Variants in NFATC2IP observed in about 807,000 individuals in gnomAD.
The protein encoded by NFATC2IP is NFATC2-interacting protein.
Under a neutral mutation model 40.2 loss-of-function variants are expected in NFATC2IP, and 25 were observed. That is an observed-to-expected ratio of 0.62 (90% CI 0.45 to 0.87). The LOEUF is 0.87. NFATC2IP is among the 40% of genes least tolerant of loss of function. The pLI is 0.00. For missense variants in NFATC2IP, 553 were observed against 555.6 expected, an observed-to-expected ratio of 1.00 and a Z score of 0.05; for synonymous variants, 241 against 236.3, an observed-to-expected ratio of 1.02 and a Z score of -0.18.
In NFATC2IP at chr16:28,965,618, A is replaced by T. The variant is rs780805121; in HGVS notation, c.*1755A>T. The stretch of plus-strand genomic sequence containing the variant: ...TGAGGCAGGGGAATCGCTTAAACCC[A>T]GGAGGCGGAGATTGCAGTGAGCCAA... On this transcript the variant is annotated 3_prime_UTR_variant, in exon 8 of 8. Transcript: ENST00000320805. 1 of 151,672 alleles carries T rather than the reference A, an allele frequency of 6.6e-6. No homozygotes were observed. Among genetic ancestry groups the T allele is most frequent in the Admixed American group, 6.6e-5 (1 of 15,230 alleles). 9.4% of individuals were successfully genotyped at this position (151,672 alleles called of 1,614,324 possible). A position where few individuals can be genotyped will look rare whatever the true frequency, so the allele number is the denominator to read the frequency against.
intron 1 of NFATC2IP, 56 bp downstream of exon 1, chr16:28,951,454 G>GC: frequency 7.4e-7 from 1 of 1,355,520 alleles, no homozygotes; most frequent in Non-Finnish European, 9.4e-7. Context: ...TGGCCTCCAG[G>GC]GAGGGGCCGG....
At chr16:28,958,896 A>G in intron 6 of NFATC2IP, 35 bp downstream of exon 6, 2 of 1,612,180 alleles carry the variant, frequency 1.2e-6, no homozygotes, top group South Asian at 2.2e-5. Context: ...GCCTTGAGGC[A>G]TTTGCCAGGG....
Position 28,951,032 on chromosome 16 carries a change from G to C in NFATC2IP, c.21G>C (p.Lys7Asn). Residue 7 changes from lysine (K) to asparagine (N), a missense_variant, in exon 1 of 8, where the codon AAG becomes AAC. Transcript: ENST00000320805. ...GTGCCATGGCGGAGCCTGTGGGGAA[G>C]CGGGGCCGCTGGTCCGGAGGTAGCG... MAEPVG[K>N]RGRWSGGSGA... 2.6e-6 allele frequency: 4 copies of C among 1,526,658 alleles called. No individual in the cohort carries two copies. Among genetic ancestry groups the C allele is most frequent in the Non-Finnish European group, 3.5e-6 (4 of 1,139,396 alleles). The allele number at this position is 1,526,658 out of a possible 1,614,324, so 94.6% of individuals were successfully genotyped here.
Position 28,955,997 on chromosome 16 carries a change from C to G in NFATC2IP, c.598C>G (p.Leu200Val). The G allele has an allele frequency of 6.2e-7, 1 of 1,614,060 alleles. No individual in the cohort carries two copies. The highest frequency in any genetic ancestry group is 8.5e-7 in the Non-Finnish European group (1 of 1,179,928). The change falls in exon 4 of 8, where the codon CTG (leucine) becomes GTG (valine). Residue 200 changes from leucine to valine, a missense_variant. By Grantham distance (32) the Leu-to-Val change is conservative. Transcript: ENST00000320805. ...CTACAGGGATCTGGACAACTCTCCT[C>G]TGTCCCCACCTTCACCAAGGACCAA... is the stretch of plus-strand genomic sequence containing the variant. Reference protein sequence around the residue: ...TEFLDLDNSPLSPPSPRTKSR... With the variant: ...TEFLDLDNSPVSPPSPRTKSR...
chr16:28,961,482 A>G (rs552277407), intron 7 of NFATC2IP, among the ~76,000 whole-genome samples: 41 of 152,222 alleles, frequency 2.7e-4, no homozygotes, highest in Non-Finnish European at 4.9e-4. Context: ...AACAACATAA[A>G]TTTATTCTCT....
In NFATC2IP at chr16:28,959,071, C is replaced by T; in HGVS notation, c.1072C>T (p.His358Tyr). 2 of 1,613,398 alleles carry T rather than the reference C, an allele frequency of 1.2e-6. No individual in the cohort carries two copies. Among genetic ancestry groups the T allele is most frequent in the Non-Finnish European group, 1.7e-6 (2 of 1,179,332 alleles). ...GCTCCGGGTGCAGGGAAAGGAGAAACACCAGACACTGGAAGTCTCACTGTC... is the reference window on the plus strand; with the variant it reads ...GCTCCGGGTGCAGGGAAAGGAGAAATACCAGACACTGGAAGTCTCACTGTC... Reference protein sequence around the residue: ...LQLRVQGKEKHQTLEVSLSRD... With the variant: ...LQLRVQGKEKYQTLEVSLSRD... The change falls in exon 7 of 8, where the codon CAC (histidine) becomes TAC (tyrosine). Residue 358 changes from histidine (H) to tyrosine (Y), a missense_variant. Transcript: ENST00000320805.
At chr16:28,959,452 T>G (rs965541444) in intron 7 of NFATC2IP, among the ~76,000 whole-genome samples, 2 of 152,150 alleles carry the variant, frequency 1.3e-5, no homozygotes, top group African/African-American at 4.8e-5. Context: ...TTCCTCACAT[T>G]CAGGATCTTA....
chr16:28,958,750 G>T lies in NFATC2IP; in HGVS notation c.880G>T (p.Ala294Ser). The T allele has an allele frequency of 6.2e-7, 1 of 1,613,536 alleles. No individual in the cohort carries two copies. The highest frequency in any genetic ancestry group is 8.5e-7 in the Non-Finnish European group (1 of 1,179,546). Residue 294 changes from alanine (A) to serine (S), a missense_variant, in exon 6 of 8, where the codon GCC (alanine) becomes TCC (serine). Ala to Ser is a moderately conservative substitution (Grantham distance 99). Transcript: ENST00000320805. The part of the protein sequence containing the change: ...EPLQSVVDHM[A>S]THLGVSPSRI... ...CCTGCAGAGTGTGGTGGACCACATG[G>T]CCACCCACCTTGGGGTGTCCCCAAG...
At position 28,950,983 on chromosome 16, in the gene NFATC2IP, C is replaced by A. The variant is rs373010732; in HGVS notation, c.-29C>A. On this transcript the variant is annotated 5_prime_UTR_variant, in exon 1 of 8. Transcript: ENST00000320805. ...GGGGGCGGGGCGAGGCGAGAGGAGG[C>A]GGGCGTGTGTTGTGGAGGAAAGTGT... 7 of 1,454,672 alleles carry A rather than the reference C, an allele frequency of 4.8e-6. No homozygotes were observed. The highest frequency in any genetic ancestry group is 6.3e-6 in the Non-Finnish European group (7 of 1,108,962). The allele number at this position is 1,454,672 out of a possible 1,614,324, so 90.1% of individuals were successfully genotyped here. A position where few individuals can be genotyped will look rare whatever the true frequency, so the allele number is the denominator to read the frequency against.
At chr16:28,955,876 A>G (rs1965014689) in intron 3 of NFATC2IP, 102 bp from the exon 4 acceptor site, 2 of 945,614 alleles carry the variant, frequency 2.1e-6, no homozygotes, top group African/African-American at 1.6e-5. Flanking sequence ...GGTGTGAGCC[A>G]TTGCGTCCGA....
chr16:28,953,058 G>C (rs1167663121), intron 2 of NFATC2IP, among the ~76,000 whole-genome samples: 2 of 150,838 alleles, frequency 1.3e-5, no homozygotes, highest in Admixed American at 1.3e-4. Flanking sequence ...CTTAATAGCT[G>C]TGTGATCTTA....
At chr16:28,959,701 G>A (rs1965063433) in intron 7 of NFATC2IP, among the ~76,000 whole-genome samples, 1 of 150,676 alleles carries the variant, frequency 6.6e-6, no homozygotes, top group Non-Finnish European at 1.5e-5. Context: ...AGCCTCCCGT[G>A]TAGCTGGGAT....
At chr16:28,954,124 G>A (rs925996301) in intron 2 of NFATC2IP, among the ~76,000 whole-genome samples, 7 of 151,902 alleles carry the variant, frequency 4.6e-5, no homozygotes, top group African/African-American at 1.5e-4. Context: ...CAGCCCCCTC[G>A]CCCTCCACAT....
At chr16:28,961,899 CAAAAAAA>C (rs1161300546) in intron 7 of NFATC2IP, among the ~76,000 whole-genome samples, 1 of 49,124 alleles carries the variant, frequency 2.0e-5, no homozygotes, top group Non-Finnish European at 4.2e-5. Flanking sequence ...GACTTCGTCT[CAAAAAAA>C]AAAAAAAAAA....
At position 28,951,010 on chromosome 16, in the gene NFATC2IP, C is replaced by A; in HGVS notation, c.-2C>A. 4 of 1,505,648 alleles carry A rather than the reference C, an allele frequency of 2.7e-6. No homozygotes were observed. The highest frequency in any genetic ancestry group is 2.2e-5 in the Admixed American group (1 of 44,676). The allele number at this position is 1,505,648 out of a possible 1,614,324, so 93.3% of individuals were successfully genotyped here. ...GGCGTGTGTTGTGGAGGAAAGTGTGCCATGGCGGAGCCTGTGGGGAAGCGG... is the reference window on the plus strand; with the variant it reads ...GGCGTGTGTTGTGGAGGAAAGTGTGACATGGCGGAGCCTGTGGGGAAGCGG... On this transcript the variant is annotated 5_prime_UTR_variant, in exon 1 of 8. Coordinates refer to ENST00000320805, the MANE Select transcript of NFATC2IP (RefSeq NM_032815.4).
intron 7 of NFATC2IP, among the ~76,000 whole-genome samples, chr16:28,962,026 C>G (rs1393727181): frequency 6.6e-6 from 1 of 152,140 alleles, no homozygotes; most frequent in Admixed American, 6.5e-5. Flanking sequence ...ACCTCAGCCT[C>G]CTGAGTAGTT....
intron 1 of NFATC2IP, among the ~76,000 whole-genome samples, chr16:28,951,676 A>AT (rs1355151402): frequency 1.3e-5 from 2 of 151,780 alleles, no homozygotes; most frequent in African/African-American, 4.8e-5. Flanking sequence ...GATTCCTGAG[A>AT]TTTTGGAGAG....
chr16:28,957,439 T>G (rs1180422206), intron 5 of NFATC2IP, among the ~76,000 whole-genome samples: 1 of 151,820 alleles, frequency 6.6e-6, no homozygotes, highest in Non-Finnish European at 1.5e-5. Flanking sequence ...GGCCAGGAGT[T>G]CGAGACCAGC....
chr16:28,958,678 G>C (rs556996423), intron 5 of NFATC2IP, 39 bp from the exon 6 acceptor site: 2 of 1,577,002 alleles, frequency 1.3e-6, no homozygotes, highest in Admixed American at 1.8e-5. Flanking sequence ...TGGATTTCAA[G>C]GCAGGAAGAC....
Sources: allele counts gnomAD v4.1 joint callset (sites outside exome capture counted in the v4.1 genomes callset), GRCh38; gene constraint gnomAD v4.1.1; transcripts MANE v1.5; gene names NCBI Gene and HGNC (gene_info 2026-07-23, HGNC 2026-07-21).